The following TMEM130 variants were observed in gnomAD, a reference collection of about 807,000 sequenced individuals.
TMEM130 encodes the protein transmembrane protein 130.
A neutral mutation model predicts 42.9 loss-of-function variants in TMEM130; 37 were observed. That is an observed-to-expected ratio of 0.86 (90% confidence interval 0.66 to 1.13). The LOEUF (loss-of-function observed/expected upper bound fraction) is 1.13. Among genes scored for constraint, TMEM130 ranks in the 50% most tolerant of loss-of-function variants. The pLI, the probability that TMEM130 is intolerant of heterozygous loss-of-function variation, is 0.00. For missense variants in TMEM130, 545 were observed against 562.6 expected, an observed-to-expected ratio of 0.97 and a Z score of 0.32; for synonymous variants, 259 against 237.7, an observed-to-expected ratio of 1.09 and a Z score of -0.82.
intron 3 of TMEM130, among the ~76,000 whole-genome samples, chr7:98,856,952 G>C (rs532107365): frequency 6.6e-6 from 1 of 150,378 alleles, no homozygotes; most frequent in South Asian, 2.1e-4. Context: ...ATAAGGTTCT[G>C]CTCTGTTGCC....
chr7:98,851,608 C>T lies in TMEM130; in HGVS notation c.819G>A (p.Val273=). ...LNFLGSPPLT[V]CWRLKPECLP... is the part of the protein sequence containing the mutation. ...GGCACTCAGGCTTGAGACGCCAGCA[C>T]ACAGTCAGAGGAGGGCTGCAGGGAA... Residue 273 remains valine (V), a synonymous_variant, in exon 6 of 8, where the codon GTG becomes GTA. Transcript: ENST00000339375. 2 of 1,612,622 alleles carry T rather than the reference C, an allele frequency of 1.2e-6. No homozygotes were observed. Among genetic ancestry groups the T allele is most frequent in the Non-Finnish European group, 1.7e-6 (2 of 1,179,182 alleles).
At chr7:98,854,720 G>C (rs1441764127) in intron 5 of TMEM130, among the ~76,000 whole-genome samples, 3 of 152,134 alleles carry the variant, frequency 2.0e-5, no homozygotes, top group African/African-American at 7.2e-5. Context: ...CTGGGTGACA[G>C]GGTGAAACTC....
intron 1 of TMEM130, among the ~76,000 whole-genome samples, chr7:98,867,324 G>A (rs1794931609): frequency 6.6e-6 from 1 of 152,122 alleles, no homozygotes; most frequent in Non-Finnish European, 1.5e-5. Flanking sequence ...CACCCAACCA[G>A]TCTGTACTAC....
chr7:98,869,696 C>T lies in TMEM130; in HGVS notation c.85+81G>A. 9.3e-7 allele frequency: 1 copy of T among 1,080,854 alleles called. No individual in the cohort carries two copies. The highest frequency in any genetic ancestry group is 2.5e-5 in the South Asian group (1 of 40,188). 67.0% of individuals were successfully genotyped at this position (1,080,854 alleles called of 1,614,324 possible). ...GTGCCACCTCCGCAATCCCTGCTCC[C>T]GGGCCCACTCGCCCGCTGAGACGGT... On this transcript the variant is annotated intron_variant, in intron 1 of 7. Transcript: ENST00000339375. This position sits in a 1 kb window ranked among gnomAD's most constrained non-coding sequence, Gnocchi z 4.7.
intron 1 of TMEM130, among the ~76,000 whole-genome samples, chr7:98,868,258 G>A (rs1208329336): frequency 6.6e-6 from 1 of 152,092 alleles, no homozygotes; most frequent in Admixed American, 6.5e-5. Flanking sequence ...TCCATGTTTG[G>A]GAGTCCATGT....
At position 98,851,530 on chromosome 7, in the gene TMEM130, G is replaced by T. The variant is rs782676901; in HGVS notation, c.897C>A (p.Tyr299Ter). ...CHPVSVASTA[Y>*]NLTHTFRDPG... ...GGTCCCTGAAGGTGTGGGTCAGGTT[G>T]TACGCTGTGCTGGCCACGGACACAG... The change falls in exon 6 of 8, where the codon TAC becomes TAA. Residue 299 changes from tyrosine (Y) to a stop codon, truncating the protein, a stop_gained. Transcript: ENST00000339375. LOFTEE classifies it high-confidence loss of function. 1.2e-6 allele frequency: 2 copies of T among 1,614,124 alleles called. No homozygotes were observed. Among genetic ancestry groups the T allele is most frequent in the Non-Finnish European group, 1.7e-6 (2 of 1,180,008 alleles).
At position 98,869,633 on chromosome 7, in the gene TMEM130, G is replaced by T; in HGVS notation, c.85+144C>A. 3.0e-6 allele frequency: 2 copies of T among 666,088 alleles called. No homozygotes were observed. The highest frequency in any genetic ancestry group is 4.5e-6 in the Non-Finnish European group (2 of 446,276). The allele number at this position is 666,088 out of a possible 1,614,324, so 41.3% of individuals were successfully genotyped here. ...AGGAGAGGGGAAAGGGCGCTGCAGT[G>T]GCCTCAGCCGAGGAGGGAGATGCGC... On this transcript the variant is annotated intron_variant, in intron 1 of 7. Transcript: ENST00000339375. The surrounding 1 kb of genome is among the most constrained non-coding windows in gnomAD (Gnocchi z 4.7).
At chr7:98,848,974 G>A (rs987090475) in intron 6 of TMEM130, among the ~76,000 whole-genome samples, 19 of 152,166 alleles carry the variant, frequency 1.2e-4, no homozygotes, top group African/African-American at 4.1e-4. Context: ...CTTGAGTGAG[G>A]GCTGGACTCA....
intron 1 of TMEM130, among the ~76,000 whole-genome samples, chr7:98,863,612 CCCTT>C (rs1302113586): frequency 2.0e-5 from 3 of 150,858 alleles, no homozygotes; most frequent in Middle Eastern, 3.2e-3. Context: ...GTCTTATTTC[CCCTT>C]CCTTCCTTCC....
chr7:98,855,067 T>G (rs1300936104), intron 5 of TMEM130, among the ~76,000 whole-genome samples, 173 bp downstream of exon 5: 1 of 152,188 alleles, frequency 6.6e-6, no homozygotes, highest in Non-Finnish European at 1.5e-5. Context: ...AATAAAATAC[T>G]GGAGCTGAGC....
At chr7:98,862,907 C>A (rs1273449241) in intron 2 of TMEM130, among the ~76,000 whole-genome samples, 188 bp downstream of exon 2, 3 of 152,184 alleles carry the variant, frequency 2.0e-5, no homozygotes, top group Admixed American at 6.5e-5. Context: ...TAGCACAATA[C>A]CTCCTGGGGG....
chr7:98,869,709 C>G lies in TMEM130; in HGVS notation c.85+68G>C. 3 of 1,219,298 alleles carry G rather than the reference C, an allele frequency of 2.5e-6. No homozygotes were observed. In the South Asian group the frequency reaches 5.9e-5, roughly 24 times the overall value. The allele number at this position is 1,219,298 out of a possible 1,614,324, so 75.5% of individuals were successfully genotyped here. ...AATCCCTGCTCCCGGGCCCACTCGC[C>G]CGCTGAGACGGTTCCAGGCCCCGGG... On this transcript the variant is annotated intron_variant, in intron 1 of 7. Transcript: ENST00000339375. This position sits in a 1 kb window ranked among gnomAD's most constrained non-coding sequence, Gnocchi z 4.7.
At chr7:98,855,886 T>G in intron 4 of TMEM130, 131 bp downstream of exon 4, 1 of 1,080,768 alleles carries the variant, frequency 9.3e-7, no homozygotes. Flanking sequence ...GGGTTAATGA[T>G]AGACGCTCCT....
chr7:98,854,027 T>C (rs550507095), intron 5 of TMEM130, among the ~76,000 whole-genome samples: 1 of 136,882 alleles, frequency 7.3e-6, no homozygotes, highest in Non-Finnish European at 1.5e-5. Flanking sequence ...TTTTTTTGTT[T>C]TTTGGTTTTT....
chr7:98,861,606 T>G (rs1218057749), intron 2 of TMEM130, among the ~76,000 whole-genome samples: 1 of 151,914 alleles, frequency 6.6e-6, no homozygotes, highest in Non-Finnish European at 1.5e-5. Context: ...TCCCAGCTAC[T>G]TGGGAGGCGA....
Position 98,863,205 on chromosome 7 carries a change from CG to C in TMEM130, c.280del (p.Arg94ValfsTer64). The C allele has an allele frequency of 6.2e-7, 1 of 1,614,082 alleles. No individual in the cohort carries two copies. Among genetic ancestry groups the C allele is most frequent in the Non-Finnish European group, 8.5e-7 (1 of 1,180,020 alleles). On this transcript the variant is annotated frameshift_variant, in exon 2 of 8. Coordinates refer to ENST00000339375, the MANE Select transcript of TMEM130 (RefSeq NM_152913.3). LOFTEE classifies it high-confidence loss of function. ...KMEKGLSSTI[R>X]VVGHVPGEFP... ...TTCCCCGGGCACGTGGCCGACCACA[CG>C]GATGGTGGAGCTGAGACCCTTCTCC...
At chr7:98,848,266 G>A (rs549177777) in intron 7 of TMEM130, 58 bp from the exon 8 acceptor site, 40 of 1,605,262 alleles carry the variant, frequency 2.5e-5, no homozygotes, top group Admixed American at 8.5e-5. Flanking sequence ...AAAATCCCAC[G>A]GGTCAATCAC....
intron 6 of TMEM130, among the ~76,000 whole-genome samples, chr7:98,850,274 T>TATATA (rs1491493786): frequency 1.6e-4 from 5 of 31,226 alleles, no homozygotes; most frequent in East Asian, 9.9e-4. Context: ...TATATATATA[T>TATATA]TTTTTTTTTT....
rs782613286 is a variant in TMEM130, at chr7:98,856,087, C to T, written c.648G>A (p.Glu216=). ...VKLKVVAEWE[E]VEPDATRAVK... ...CAGCCCTCGTGGCATCCGGCTCCAC[C>T]TCTTCCCACTCCGCCACCACTTTGA... Residue 216 remains glutamate, a synonymous_variant, in exon 4 of 8, where the codon GAG becomes GAA. Transcript: ENST00000339375. 9.3e-6 allele frequency: 15 copies of T among 1,613,890 alleles called. No homozygotes were observed. The East Asian group carries it at 2.9e-4, about 31-fold the overall frequency.
Sources: allele counts gnomAD v4.1 joint callset (sites outside exome capture counted in the v4.1 genomes callset), GRCh38; gene constraint gnomAD v4.1.1; non-coding constraint Gnocchi (gnomAD v3.1); transcripts MANE v1.5; gene names NCBI Gene and HGNC (gene_info 2026-07-23, HGNC 2026-07-21).